Variants in FAF1 observed in about 807,000 individuals in gnomAD.
FAF1 encodes Fas associated factor 1.
In FAF1, 25 loss-of-function variants were observed where a neutral mutation model predicts 92.5. The observed-to-expected ratio is 0.27, with a 90% CI of 0.20 to 0.38. The LOEUF (loss-of-function observed/expected upper bound fraction) is 0.38. FAF1 is among the 10% of genes least tolerant of loss of function. The pLI is 1.00. For synonymous variants in FAF1, 234 were observed against 273.2 expected (o/e 0.86, Z 1.42); for missense variants, 636 against 793.3 (o/e 0.80, Z 2.38).
At chr1:50,447,184 G>T (rs919481157) in intron 18 of FAF1, among the ~76,000 whole-genome samples, 2 of 147,608 alleles carry the variant, frequency 1.4e-5, no homozygotes, top group Admixed American at 6.8e-5. Flanking sequence ...GGAGTGCAGG[G>T]GCACGATCTC....
intron 1 of FAF1, among the ~76,000 whole-genome samples, chr1:50,936,342 A>G (rs1557595939): frequency 6.6e-6 from 1 of 152,200 alleles, no homozygotes; most frequent in Admixed American, 6.5e-5. Flanking sequence ...CTATTTTTTT[A>G]AAAAAGAAGA....
chr1:50,495,176 C>T (rs1007227488), intron 15 of FAF1, among the ~76,000 whole-genome samples: 1 of 152,054 alleles, frequency 6.6e-6, no homozygotes, highest in African/African-American at 2.4e-5. Flanking sequence ...CTATAGTCAT[C>T]CTGTTGTGCT....
At chr1:50,886,917 T>C (rs1335754130) in intron 1 of FAF1, among the ~76,000 whole-genome samples, 1 of 152,174 alleles carries the variant, frequency 6.6e-6, no homozygotes. Context: ...CTGGGTCAAA[T>C]GGTATTTCTA....
At chr1:50,511,742 T>C (rs1010757333) in intron 15 of FAF1, among the ~76,000 whole-genome samples, 1 of 152,182 alleles carries the variant, frequency 6.6e-6, no homozygotes, top group Non-Finnish European at 1.5e-5. Flanking sequence ...TGATTTATAA[T>C]CCTTTGGGTA....
At chr1:50,733,081 G>A (rs998146474) in intron 6 of FAF1, among the ~76,000 whole-genome samples, 4 of 151,840 alleles carry the variant, frequency 2.6e-5, no homozygotes, top group African/African-American at 4.8e-5. Flanking sequence ...ACAGGTAATC[G>A]TATCTACTTG....
intron 12 of FAF1, among the ~76,000 whole-genome samples, chr1:50,579,753 C>T (rs530221841): frequency 2.0e-5 from 3 of 151,998 alleles, no homozygotes; most frequent in South Asian, 4.1e-4. Context: ...ACAAAGCAAA[C>T]GCCAGGAGGA....
chr1:50,733,478 A>G (rs1278134761), intron 6 of FAF1, among the ~76,000 whole-genome samples: 1 of 152,160 alleles, frequency 6.6e-6, no homozygotes, highest in Admixed American at 6.5e-5. Flanking sequence ...TTGACTCTCT[A>G]ACACCCACTG....
At chr1:50,600,388 T>C (rs1286846597) in intron 8 of FAF1, among the ~76,000 whole-genome samples, 2 of 152,206 alleles carry the variant, frequency 1.3e-5, no homozygotes, top group Non-Finnish European at 2.9e-5. Flanking sequence ...AAAGGTTTAA[T>C]TCAAACTGTG....
chr1:50,588,080 A>G (rs1295084278), intron 9 of FAF1, among the ~76,000 whole-genome samples: 1 of 152,136 alleles, frequency 6.6e-6, no homozygotes, highest in Non-Finnish European at 1.5e-5. Flanking sequence ...TAAGGTCAGG[A>G]GTTCGAGACC....
At chr1:50,496,680 T>G (rs1646902114) in intron 15 of FAF1, among the ~76,000 whole-genome samples, 1 of 152,034 alleles carries the variant, frequency 6.6e-6, no homozygotes, top group Admixed American at 6.6e-5. Flanking sequence ...TCACCTGAAG[T>G]CAGGAGTTTG....
chr1:50,673,560 C>G (rs986011878), intron 7 of FAF1, among the ~76,000 whole-genome samples: 1 of 152,024 alleles, frequency 6.6e-6, no homozygotes, highest in Non-Finnish European at 1.5e-5. Flanking sequence ...CGGAAGGAAA[C>G]AAAAAGAACT....
chr1:50,491,953 A>C, intron 15 of FAF1, 152 bp from the exon 16 acceptor site: 1 of 600,554 alleles, frequency 1.7e-6, no homozygotes, highest in Non-Finnish European at 2.9e-6. Context: ...ATAAGCAAAC[A>C]AACAATAAGA....
chr1:50,841,755 A>AT (rs200717353), intron 2 of FAF1, among the ~76,000 whole-genome samples: 9 of 151,914 alleles, frequency 5.9e-5, no homozygotes, highest in Admixed American at 5.9e-4. Flanking sequence ...AGATAGTAAA[A>AT]TTTTTTTTAA....
chr1:50,835,570 CAAAAAAAAAAAA>C (rs573942977), intron 2 of FAF1, among the ~76,000 whole-genome samples: 11 of 54,904 alleles, frequency 2.0e-4, no homozygotes, highest in Non-Finnish European at 7.8e-5. Flanking sequence ...GACTCCATCT[CAAAAAAAAAAAA>C]AAAAAAAAAA....
chr1:50,492,694 A>C (rs1646853760), intron 15 of FAF1, among the ~76,000 whole-genome samples: 1 of 152,170 alleles, frequency 6.6e-6, no homozygotes, highest in African/African-American at 2.4e-5. Context: ...TGACCTATAA[A>C]ACTGGAAATT....
intron 13 of FAF1, among the ~76,000 whole-genome samples, chr1:50,552,924 A>C (rs761765552): frequency 6.6e-6 from 1 of 152,158 alleles, no homozygotes; most frequent in Non-Finnish European, 1.5e-5. Context: ...TAAAAGAGAG[A>C]GAGAAAAAAG....
intron 8 of FAF1, among the ~76,000 whole-genome samples, chr1:50,602,866 AGTT>A (rs1652211133): frequency 6.6e-6 from 1 of 152,184 alleles, no homozygotes; most frequent in Admixed American, 6.5e-5. Flanking sequence ...TTTAAAAAGC[AGTT>A]GTATAATAAC....
chr1:50,817,521 G>T lies in FAF1; in HGVS notation c.115-15844C>A, dbSNP rs187873712. On this transcript the variant is annotated intron_variant, in intron 2 of 18. Transcript: ENST00000396153. ...GGGGAGTTACTGTTTAATGGGTACAGGGTTTCAGTTTTAAAAGATGAAAAG... is the reference window on the plus strand; with the variant it reads ...GGGGAGTTACTGTTTAATGGGTACATGGTTTCAGTTTTAAAAGATGAAAAG... Among the ~76,000 whole-genome samples the T allele has an allele frequency of 3.9e-5, 6 of 152,312 alleles. No homozygotes were observed. In the East Asian group the frequency reaches 1.2e-3, roughly 29 times the overall value.
chr1:50,944,831 C>T (rs1237320612), intron 1 of FAF1, among the ~76,000 whole-genome samples: 1 of 152,164 alleles, frequency 6.6e-6, no homozygotes, highest in African/African-American at 2.4e-5. Flanking sequence ...TAAAAAGAAA[C>T]ATCATGCCTA....
Sources: gnomAD v4.1 joint callset for allele counts (sites outside exome capture counted in the v4.1 genomes callset) on GRCh38, gnomAD v4.1.1 for gene constraint, MANE v1.5 for transcripts, NCBI Gene and HGNC (gene_info 2026-07-23, HGNC 2026-07-21) for gene names.